PTPRM: variants seen among roughly 807,000 people sequenced by gnomAD.
PTPRM encodes protein tyrosine phosphatase receptor type M.
In PTPRM, 47 loss-of-function variants were observed where a neutral mutation model predicts 186.7. The ratio of observed to expected loss-of-function variants is 0.25; its 90% CI spans 0.20 to 0.32. The LOEUF (loss-of-function observed/expected upper bound fraction) is 0.32. PTPRM is among the 10% of genes least tolerant of loss of function. The pLI, the probability that PTPRM is intolerant of heterozygous loss-of-function variation, is 1.00. For synonymous variants in PTPRM, 668 were observed against 674.9 expected (o/e 0.99, Z 0.16); for missense variants, 1,494 against 1,865.0 (o/e 0.80, Z 3.66).
rs114016285 is a variant in PTPRM at position 7,592,988 on chromosome 18, G to A, written c.73+25097G>A. On this transcript the variant is annotated intron_variant, in intron 1 of 32. Transcript: ENST00000580170. ...CTGGATTAGAAAAATTCCTAGACAT[G>A]GTGGCAGGTTTCTTCTGTTCCTTTC... Among the ~76,000 whole-genome samples the A allele has an allele frequency of 6.1e-3, 933 of 152,256 alleles. 3 individuals are homozygous for A. Among genetic ancestry groups the A allele is most frequent in the Middle Eastern group, 0.024 (7 of 294 alleles).
At chr18:8,052,370 A>G (rs1306063819) in intron 7 of PTPRM, among the ~76,000 whole-genome samples, 1 of 152,146 alleles carries the variant, frequency 6.6e-6, no homozygotes, top group Non-Finnish European at 1.5e-5. Context: ...GTGGTCCCAT[A>G]TGATTATAAT....
chr18:7,678,169 G>A (rs148863601), intron 1 of PTPRM, among the ~76,000 whole-genome samples: 150 of 152,190 alleles, frequency 9.9e-4, no homozygotes, highest in African/African-American at 3.1e-3. Context: ...TGATTGTCCC[G>A]GATAAAGGAA....
chr18:7,756,146 T>G (rs1296745759), intron 1 of PTPRM, among the ~76,000 whole-genome samples: 1 of 152,188 alleles, frequency 6.6e-6, no homozygotes, highest in Non-Finnish European at 1.5e-5. Context: ...GAAGAGAGAT[T>G]TTGATCTCTG....
chr18:8,165,167 CAA>C lies in PTPRM; in HGVS notation c.2300+21403_2300+21404del, dbSNP rs59978316. 8.4e-3 allele frequency among the ~76,000 whole-genome samples: 868 copies of C among 103,236 alleles called. 8 individuals carry two copies. The highest frequency in any genetic ancestry group is 0.023 in the African/African-American group (772 of 33,188). The allele number at this position is 103,236 out of a possible 152,430, so 67.7% of individuals were successfully genotyped here. A position where few individuals can be genotyped will look rare whatever the true frequency, so the allele number is the denominator to read the frequency against. ...GTGGTGACAGAGCAAGACTCCATCTCAAAAAAAAAAAAAAAAGAAAGAAAGAA... is the reference window on the plus strand; with the variant it reads ...GTGGTGACAGAGCAAGACTCCATCTCAAAAAAAAAAAAAAGAAAGAAAGAA... On this transcript the variant is annotated intron_variant, in intron 14 of 32. Transcript: ENST00000580170.
chr18:7,943,329 C>T (rs151165317), intron 5 of PTPRM, among the ~76,000 whole-genome samples: 1 of 152,128 alleles, frequency 6.6e-6, no homozygotes, highest in Non-Finnish European at 1.5e-5. Context: ...TCATTTCATT[C>T]ATCTTATGGG....
chr18:8,147,539 G>A (rs506221), intron 14 of PTPRM, among the ~76,000 whole-genome samples: 151,919 of 152,336 alleles, frequency 1, 75,752 homozygotes, highest in Middle Eastern at 1. Context: ...GCTTAAGGAG[G>A]TTAGGGGCTG....
chr18:8,075,469 A>G (rs576519), intron 8 of PTPRM, among the ~76,000 whole-genome samples: 82,339 of 151,816 alleles, frequency 0.54, 23,001 homozygotes, highest in Non-Finnish European at 0.62. Flanking sequence ...CAGGATAGCT[A>G]TTTTGTAAAT....
intron 2 of PTPRM, among the ~76,000 whole-genome samples, chr18:7,874,969 G>C (rs1411400815): frequency 6.6e-6 from 1 of 152,150 alleles, no homozygotes; most frequent in Non-Finnish European, 1.5e-5. Flanking sequence ...GCGGCGGGCG[G>C]ATCACTTGAG....
intron 7 of PTPRM, among the ~76,000 whole-genome samples, chr18:7,988,906 T>G (rs1176070091): frequency 6.6e-6 from 1 of 152,164 alleles, no homozygotes; most frequent in Admixed American, 6.5e-5. Context: ...TCTAAGGGCT[T>G]TTGATACAAG....
chr18:8,156,251 A>G (rs189195447), intron 14 of PTPRM, among the ~76,000 whole-genome samples: 2 of 152,178 alleles, frequency 1.3e-5, no homozygotes, highest in Non-Finnish European at 2.9e-5. Context: ...CTCTTTTTAA[A>G]GAAGATTTTA....
chr18:8,131,675 G>A (rs968214787), intron 13 of PTPRM, among the ~76,000 whole-genome samples: 5 of 152,104 alleles, frequency 3.3e-5, no homozygotes, highest in African/African-American at 9.7e-5. Flanking sequence ...TCTATTATAT[G>A]GATTATAGAT....
chr18:8,254,857 C>T (rs1229663654), intron 19 of PTPRM, among the ~76,000 whole-genome samples: 1 of 152,234 alleles, frequency 6.6e-6, no homozygotes, highest in Non-Finnish European at 1.5e-5. Flanking sequence ...CAGACATAGA[C>T]ACACTTTGCT....
At chr18:7,772,283 T>TCTTTC (rs1202050027) in intron 1 of PTPRM, among the ~76,000 whole-genome samples, 2 of 149,030 alleles carry the variant, frequency 1.3e-5, no homozygotes, top group Non-Finnish European at 3.0e-5. Context: ...TCTTTTCTTT[T>TCTTTC]CTTTCTCTCC....
At chr18:8,354,065 T>A (rs1481545053) in intron 23 of PTPRM, among the ~76,000 whole-genome samples, 1 of 151,864 alleles carries the variant, frequency 6.6e-6, no homozygotes, top group Non-Finnish European at 1.5e-5. Context: ...CACAAAAAAT[T>A]AGCTGGGCGT....
At chr18:8,119,960 C>G (rs960304399) in intron 13 of PTPRM, among the ~76,000 whole-genome samples, 49 of 152,210 alleles carry the variant, frequency 3.2e-4, no homozygotes, top group African/African-American at 1.2e-3. Flanking sequence ...TATCACCAAA[C>G]TTAGTGATAA....
chr18:7,762,247 C>G (rs2041809808), intron 1 of PTPRM, among the ~76,000 whole-genome samples: 1 of 152,032 alleles, frequency 6.6e-6, no homozygotes, highest in Non-Finnish European at 1.5e-5. Flanking sequence ...GTGAAAAGCC[C>G]TCAGCAACAG....
intron 3 of PTPRM, among the ~76,000 whole-genome samples, chr18:7,896,436 A>G (rs1262334638): frequency 6.6e-6 from 1 of 152,180 alleles, no homozygotes; most frequent in Non-Finnish European, 1.5e-5. Context: ...CTCTGCTTTC[A>G]GAAGACAGTG....
At chr18:7,777,854 A>G (rs371326051) in intron 2 of PTPRM, among the ~76,000 whole-genome samples, 5 of 152,176 alleles carry the variant, frequency 3.3e-5, no homozygotes, top group African/African-American at 1.2e-4. Context: ...TAATAAGTGA[A>G]TAATTCATCA....
intron 19 of PTPRM, among the ~76,000 whole-genome samples, chr18:8,259,624 A>G (rs1392980753): frequency 6.6e-6 from 1 of 151,836 alleles, no homozygotes; most frequent in Admixed American, 6.6e-5. Context: ...TATTATTAAA[A>G]TGTCTCACCT....
Sources: allele counts gnomAD v4.1 joint callset (sites outside exome capture counted in the v4.1 genomes callset), GRCh38; gene constraint gnomAD v4.1.1; transcripts MANE v1.5; gene names NCBI Gene and HGNC (gene_info 2026-07-23, HGNC 2026-07-21).